The following PLCB1 variants were observed in gnomAD, a reference collection of about 807,000 sequenced individuals.
The protein encoded by PLCB1 is phospholipase C beta 1, also known as 1-phosphatidylinositol 4,5-bisphosphate phosphodiesterase beta-1.
In PLCB1, 46 loss-of-function variants were observed where a neutral mutation model predicts 161.8. The observed-to-expected ratio is 0.28, with a 90% CI of 0.22 to 0.36. The LOEUF (loss-of-function observed/expected upper bound fraction) is 0.36, where lower values mean the gene tolerates loss of function less well. Among genes scored for constraint, PLCB1 ranks in the 10% least tolerant of loss-of-function variants. PLCB1 has a pLI of 1.00. For synonymous variants in PLCB1, 517 were observed against 503.7 expected (o/e 1.03, Z -0.35); for missense variants, 1,016 against 1,472.5 (o/e 0.69, Z 5.07).
chr20:8,514,161 G>A (rs1004483019), intron 3 of PLCB1, among the ~76,000 whole-genome samples: 5 of 152,132 alleles, frequency 3.3e-5, no homozygotes, highest in African/African-American at 1.2e-4. Context: ...TGGGTGGGCC[G>A]GGCATGGTGG....
chr20:8,874,254 ACG>A lies in PLCB1; in HGVS notation c.3424-7366_3424-7365del, dbSNP rs1491134330. Among the ~76,000 whole-genome samples, 428 of 70,258 alleles carry A rather than the reference ACG, an allele frequency of 6.1e-3. 3 individuals carry two copies. Among genetic ancestry groups the A allele is most frequent in the African/African-American group, 0.022 (397 of 18,024 alleles). 46.1% of individuals were successfully genotyped at this position (70,258 alleles called of 152,430 possible). A position where few individuals can be genotyped will look rare whatever the true frequency, so the allele number is the denominator to read the frequency against. On this transcript the variant is annotated intron_variant, in intron 31 of 31. Transcript: ENST00000338037. The stretch of plus-strand genomic sequence containing the variant: ...CACACACACACACACACACACACAC[ACG>A]CACAACAGATGCTCCCAGAGAAGAA...
At chr20:8,809,756 T>G (rs574866516) in intron 31 of PLCB1, among the ~76,000 whole-genome samples, 12 of 152,310 alleles carry the variant, frequency 7.9e-5, no homozygotes, top group African/African-American at 2.4e-4. Context: ...TTTTTCTGTT[T>G]CCTCCATTAG....
At position 8,602,873 on chromosome 20, in the gene PLCB1, G is replaced by A. The variant is rs181447967; in HGVS notation, c.247-25421G>A. ...ACCAAGCAATAAAATTTTCCTAAAT[G>A]GATGTTTGAAGGAGAGCTGGTGTTC... On this transcript the variant is annotated intron_variant, in intron 3 of 31. Coordinates refer to ENST00000338037, the MANE Select transcript of PLCB1 (RefSeq NM_015192.4). 1.6e-3 allele frequency among the ~76,000 whole-genome samples: 249 copies of A among 152,318 alleles called. 1 individual carries two copies. The highest frequency in any genetic ancestry group is 5.8e-3 in the African/African-American group (240 of 41,572).
intron 31 of PLCB1, among the ~76,000 whole-genome samples, chr20:8,800,251 A>G (rs1028535336): frequency 5.3e-5 from 8 of 152,226 alleles, no homozygotes; most frequent in Non-Finnish European, 1.0e-4. Context: ...TCCATGTATT[A>G]TATTATATCT....
rs114192550 is a variant in PLCB1, at chr20:8,155,079, G to C, written c.177+4708G>C. Among the ~76,000 whole-genome samples, 420 of 152,260 alleles carry C rather than the reference G, an allele frequency of 2.8e-3. 1 individual carries two copies. The highest frequency in any genetic ancestry group is 9.1e-3 in the African/African-American group (379 of 41,540). ...CTTCAATTTCTTCATATCACTCGTA[G>C]AGCTGACATTTCACTACCTGGTTTG... On this transcript the variant is annotated intron_variant, in intron 2 of 31. Coordinates refer to ENST00000338037, the MANE Select transcript of PLCB1 (RefSeq NM_015192.4).
At chr20:8,583,548 C>A (rs776980457) in intron 3 of PLCB1, among the ~76,000 whole-genome samples, 4 of 152,126 alleles carry the variant, frequency 2.6e-5, no homozygotes, top group Non-Finnish European at 5.9e-5. Flanking sequence ...GTACATATGC[C>A]ATGTGCTAAC....
chr20:8,882,181 T>C lies in PLCB1; in HGVS notation c.*332T>C, dbSNP rs1568635980. ...TCTTCTTTGAAGAAAATCAAGCTCG[T>C]GTTTTTATTCGAAGCTCTGGTGTAA... is the stretch of plus-strand genomic sequence containing the variant. On this transcript the variant is annotated 3_prime_UTR_variant, in exon 32 of 32. Coordinates refer to ENST00000338037, the MANE Select transcript of PLCB1 (RefSeq NM_015192.4). 4.0e-6 allele frequency: 1 copy of C among 249,046 alleles called. No individual in the cohort carries two copies. Among genetic ancestry groups the C allele is most frequent in the Non-Finnish European group, 7.8e-6 (1 of 128,278 alleles). The allele number at this position is 249,046 out of a possible 1,614,324, so 15.4% of individuals were successfully genotyped here. A position where few individuals can be genotyped will look rare whatever the true frequency, so the allele number is the denominator to read the frequency against.
intron 3 of PLCB1, among the ~76,000 whole-genome samples, chr20:8,478,260 T>C (rs1982362034): frequency 6.6e-6 from 1 of 152,182 alleles, no homozygotes; most frequent in African/African-American, 2.4e-5. Flanking sequence ...TTGTTGGAGA[T>C]GCATGTATTT....
intron 7 of PLCB1, among the ~76,000 whole-genome samples, chr20:8,655,502 A>G (rs925703065): frequency 6.6e-6 from 1 of 152,110 alleles, no homozygotes; most frequent in Non-Finnish European, 1.5e-5. Context: ...TGATGTGTGC[A>G]CAACTGGAAG....
intron 4 of PLCB1, among the ~76,000 whole-genome samples, chr20:8,644,408 A>G (rs1172666153): frequency 2.0e-4 from 24 of 118,972 alleles, no homozygotes; most frequent in African/African-American, 3.3e-4. Flanking sequence ...CTGCCCGGCC[A>G]CCCATCGTCT....
rs1988030740 is a variant in PLCB1, at chr20:8,882,461, T to C, written c.*612T>C. ...TAGATACTGTAGTGATTCAAATAAG[T>C]TTTCTATTTGAAAAAAAAAATCACT... On this transcript the variant is annotated 3_prime_UTR_variant, in exon 32 of 32. Transcript: ENST00000338037. The C allele has an allele frequency of 6.5e-6, 1 of 153,156 alleles. No individual in the cohort carries two copies. Among genetic ancestry groups the C allele is most frequent in the African/African-American group, 2.4e-5 (1 of 41,420 alleles). The allele number at this position is 153,156 out of a possible 1,614,324, so 9.5% of individuals were successfully genotyped here. A position where few individuals can be genotyped will look rare whatever the true frequency, so the allele number is the denominator to read the frequency against.
At chr20:8,378,958 ACTT>A (rs1158679140) in intron 3 of PLCB1, among the ~76,000 whole-genome samples, 7 of 152,090 alleles carry the variant, frequency 4.6e-5, no homozygotes, top group Non-Finnish European at 1.0e-4. Context: ...ATTTATTTTT[ACTT>A]CTTATTTTGT....
intron 5 of PLCB1, among the ~76,000 whole-genome samples, chr20:8,646,746 C>T (rs1053942276): frequency 8.5e-5 from 13 of 152,132 alleles, no homozygotes; most frequent in Admixed American, 1.3e-4. Flanking sequence ...AACAAATTGC[C>T]AGATCACTCT....
In PLCB1 at chr20:8,425,636, A is replaced by G. The variant is rs1482604453; in HGVS notation, c.246+54186A>G. 3.3e-5 allele frequency among the ~76,000 whole-genome samples: 5 copies of G among 150,282 alleles called. No individual in the cohort carries two copies. In the East Asian group the frequency reaches 9.6e-4, roughly 29 times the overall value. On this transcript the variant is annotated intron_variant, in intron 3 of 31. Transcript: ENST00000338037. ...TTCTATTTAAAAAAAGAAAAAAGAA[A>G]GAAAAGAAAAAAATCATGTTATCTT...
At chr20:8,786,096 C>G (rs1983468308) in intron 27 of PLCB1, among the ~76,000 whole-genome samples, 1 of 152,034 alleles carries the variant, frequency 6.6e-6, no homozygotes, top group African/African-American at 2.4e-5. Flanking sequence ...AAGAAGTTCC[C>G]CCACATGATT....
chr20:8,489,147 C>A (rs143554251), intron 3 of PLCB1, among the ~76,000 whole-genome samples: 1 of 152,108 alleles, frequency 6.6e-6, no homozygotes, highest in African/African-American at 2.4e-5. Context: ...AAATATAGGT[C>A]TTGTTCCTAA....
At chr20:8,255,923 C>T (rs569664782) in intron 2 of PLCB1, among the ~76,000 whole-genome samples, 2 of 152,074 alleles carry the variant, frequency 1.3e-5, no homozygotes, top group South Asian at 4.1e-4. Context: ...TTTCCTGTAC[C>T]TTTTATATGT....
intron 2 of PLCB1, among the ~76,000 whole-genome samples, chr20:8,162,949 T>C (rs998524302): frequency 1.3e-5 from 2 of 152,176 alleles, no homozygotes; most frequent in Non-Finnish European, 2.9e-5. Context: ...CTAAAGTGAC[T>C]TTTTCATATA....
chr20:8,505,906 C>CA (rs1983619388), intron 3 of PLCB1, among the ~76,000 whole-genome samples: 1 of 152,150 alleles, frequency 6.6e-6, no homozygotes, highest in Non-Finnish European at 1.5e-5. Context: ...AGGAATCTAT[C>CA]AAAATGGACC....
Sources: gnomAD v4.1 joint callset for allele counts (sites outside exome capture counted in the v4.1 genomes callset) on GRCh38, gnomAD v4.1.1 for gene constraint, MANE v1.5 for transcripts, NCBI Gene and HGNC (gene_info 2026-07-23, HGNC 2026-07-21) for gene names.